The following DPP10 variants were observed in gnomAD, a reference collection of about 807,000 sequenced individuals.
The protein encoded by DPP10 is inactive dipeptidyl peptidase 10.
In DPP10, 33 loss-of-function variants were observed where a neutral mutation model predicts 120.9. The observed-to-expected ratio is 0.27, with a 90% CI of 0.21 to 0.37. The LOEUF is 0.37. DPP10 is among the 10% of genes least tolerant of loss of function. The pLI, the probability that DPP10 is intolerant of heterozygous loss-of-function variation, is 1.00. For missense variants in DPP10, 816 were observed against 942.8 expected (o/e 0.87, Z 1.76); for synonymous variants, 337 against 326.1 (o/e 1.03, Z -0.36).
At chr2:114,973,018 A>G (rs1294558757) in intron 1 of DPP10, among the ~76,000 whole-genome samples, 7 of 152,020 alleles carry the variant, frequency 4.6e-5, no homozygotes, top group East Asian at 1.9e-4. Context: ...TTGTTTATTT[A>G]TTTTTATTTT....
At chr2:115,292,657 A>C (rs926015722) in intron 1 of DPP10, among the ~76,000 whole-genome samples, 1 of 152,056 alleles carries the variant, frequency 6.6e-6, no homozygotes, top group Non-Finnish European at 1.5e-5. Flanking sequence ...AAATCTGGGG[A>C]GCATACTCTC....
At chr2:115,734,444 T>C (rs917966735) in intron 8 of DPP10, among the ~76,000 whole-genome samples, 3 of 151,892 alleles carry the variant, frequency 2.0e-5, no homozygotes, top group African/African-American at 7.3e-5. Context: ...TCAACTGAAG[T>C]CTGGAGTTCG....
Position 114,709,054 on chromosome 2 carries a change from C to A in DPP10, c.60+266216C>A, listed in dbSNP as rs539682963. ...TTCAGGCTTGAGCCACAGCGCCCAG[C>A]CCCATTGCTTACTCTTTCACTGCTC... On this transcript the variant is annotated intron_variant, in intron 1 of 25. Transcript: ENST00000410059. Among the ~76,000 whole-genome samples, 3 of 152,346 alleles carry A rather than the reference C, an allele frequency of 2.0e-5. No individual in the cohort carries two copies. In the East Asian group the frequency reaches 5.8e-4, roughly 29 times the overall value.
intron 1 of DPP10, among the ~76,000 whole-genome samples, chr2:114,960,030 A>G (rs1698494621): frequency 6.6e-6 from 1 of 152,158 alleles, no homozygotes; most frequent in African/African-American, 2.4e-5. Flanking sequence ...ATTTTTAATT[A>G]GGAAAAAAAA....
chr2:115,178,151 A>G lies in DPP10; in HGVS notation c.61-131088A>G, dbSNP rs1409230758. On this transcript the variant is annotated intron_variant, in intron 1 of 25. Coordinates refer to ENST00000410059, the MANE Select transcript of DPP10 (RefSeq NM_020868.6). ...TAGATATTATGTGCCTCATAATCTG[A>G]TAAGTGATAGCCAGTCTTGGTGCAG... Among the ~76,000 whole-genome samples the G allele has an allele frequency of 2.6e-5, 4 of 152,240 alleles. No homozygotes were observed. The South Asian group carries it at 6.2e-4, about 24-fold the overall frequency.
At chr2:115,369,460 AATTTATT>A (rs2065269666) in intron 3 of DPP10, among the ~76,000 whole-genome samples, 1 of 152,106 alleles carries the variant, frequency 6.6e-6, no homozygotes, top group African/African-American at 2.4e-5. Context: ...CTTAAATATC[AATTTATT>A]AAATGCCTGT....
chr2:114,653,006 G>A (rs71418507), intron 1 of DPP10, among the ~76,000 whole-genome samples: 5,770 of 141,650 alleles, frequency 0.041, 267 homozygotes, highest in African/African-American at 0.15. Context: ...GAGAGAGAGA[G>A]AGAAAGAGAG....
chr2:114,936,558 T>C (rs137997740), intron 1 of DPP10, among the ~76,000 whole-genome samples: 12 of 152,196 alleles, frequency 7.9e-5, no homozygotes, highest in African/African-American at 2.6e-4. Flanking sequence ...AACATGCATG[T>C]GCAAGTATCT....
rs549039425 is a variant in DPP10 at position 115,488,777 on chromosome 2, G to A, written c.272-10733G>A. ...GATAGCATTGGGAGATATACCTAAT[G>A]CTAGATGACACATTAGTGGGTGCAG... is the stretch of plus-strand genomic sequence containing the variant. On this transcript the variant is annotated intron_variant, in intron 3 of 25. Coordinates refer to ENST00000410059, the MANE Select transcript of DPP10 (RefSeq NM_020868.6). Among the ~76,000 whole-genome samples, 20 of 131,878 alleles carry A rather than the reference G, an allele frequency of 1.5e-4. No homozygotes were observed. The East Asian group carries it at 4.3e-3, about 28-fold the overall frequency. 86.5% of individuals were successfully genotyped at this position (131,878 alleles called of 152,430 possible).
rs1686535889 is a variant in DPP10 at position 114,826,391 on chromosome 2, C to T, written c.60+383553C>T. On this transcript the variant is annotated intron_variant, in intron 1 of 25. Coordinates refer to ENST00000410059, the MANE Select transcript of DPP10 (RefSeq NM_020868.6). ...GAGAAATAGTAATACCTTTTCCTCACCCAGGGACCTATGGAAAAGGTCATG... is the reference window on the plus strand; with the variant it reads ...GAGAAATAGTAATACCTTTTCCTCATCCAGGGACCTATGGAAAAGGTCATG... 6.6e-5 allele frequency among the ~76,000 whole-genome samples: 10 copies of T among 152,218 alleles called. No homozygotes were observed. The South Asian group carries it at 2.1e-3, about 32-fold the overall frequency.
chr2:114,643,023 A>T (rs1443763412), intron 1 of DPP10, among the ~76,000 whole-genome samples: 1 of 151,994 alleles, frequency 6.6e-6, no homozygotes, highest in African/African-American at 2.4e-5. Context: ...AGACAGAAGC[A>T]TATGAGGTCC....
intron 17 of DPP10, among the ~76,000 whole-genome samples, chr2:115,788,031 T>C (rs2149897156): frequency 1.3e-5 from 2 of 152,232 alleles, no homozygotes; most frequent in East Asian, 3.9e-4. Flanking sequence ...AAAGAAAGTT[T>C]CAATAATAAA....
At chr2:115,511,400 G>T (rs1002525293) in intron 4 of DPP10, among the ~76,000 whole-genome samples, 2 of 151,972 alleles carry the variant, frequency 1.3e-5, no homozygotes, top group Admixed American at 6.6e-5. Flanking sequence ...TTTCTGTAAG[G>T]TTGATACTGA....
chr2:115,314,790 C>G (rs938632568), intron 2 of DPP10, among the ~76,000 whole-genome samples: 1 of 152,094 alleles, frequency 6.6e-6, no homozygotes, highest in Non-Finnish European at 1.5e-5. Flanking sequence ...TCAATTAGTT[C>G]ATTTGAGTCA....
At chr2:114,794,430 ATTGTTTTTGCTTGT>A (rs1683516901) in intron 1 of DPP10, among the ~76,000 whole-genome samples, 1 of 152,200 alleles carries the variant, frequency 6.6e-6, no homozygotes, top group South Asian at 2.1e-4. Context: ...GTTCCGTTCC[ATTGTTTTTGCTTGT>A]TTATATTTTC....
At chr2:115,682,213 A>G (rs1019062326) in intron 5 of DPP10, among the ~76,000 whole-genome samples, 1 of 151,998 alleles carries the variant, frequency 6.6e-6, no homozygotes, top group Admixed American at 6.6e-5. Flanking sequence ...TTTAAATGCC[A>G]TTCAGGTTAT....
At chr2:114,918,811 G>A (rs1474810781) in intron 1 of DPP10, among the ~76,000 whole-genome samples, 1 of 152,120 alleles carries the variant, frequency 6.6e-6, no homozygotes, top group Non-Finnish European at 1.5e-5. Context: ...CAGGGTGGGA[G>A]GAGGGTGAGG....
At chr2:114,953,165 T>C (rs1003824978) in intron 1 of DPP10, among the ~76,000 whole-genome samples, 10 of 152,166 alleles carry the variant, frequency 6.6e-5, no homozygotes, top group African/African-American at 2.4e-4. Flanking sequence ...TTATTTTACA[T>C]AATCAAATAA....
intron 3 of DPP10, among the ~76,000 whole-genome samples, chr2:115,392,844 A>T (rs935584672): frequency 3.9e-5 from 6 of 152,084 alleles, no homozygotes; most frequent in African/African-American, 1.4e-4. Context: ...TTTTCTTTCT[A>T]TGAAGATCTT....
Sources: gnomAD v4.1 joint callset for allele counts (sites outside exome capture counted in the v4.1 genomes callset) on GRCh38, gnomAD v4.1.1 for gene constraint, MANE v1.5 for transcripts, NCBI Gene and HGNC (gene_info 2026-07-23, HGNC 2026-07-21) for gene names.